The following ABCC12 variants were observed in gnomAD, a reference collection of about 807,000 sequenced individuals.
ABCC12 encodes the protein ATP binding cassette subfamily C member 12.
A neutral mutation model predicts 151.1 loss-of-function variants in ABCC12; 142 were observed. That is an observed-to-expected ratio of 0.94 (90% CI 0.82 to 1.08). The LOEUF (loss-of-function observed/expected upper bound fraction) is 1.08. Ranked by LOEUF, ABCC12 falls within the 50% of genes least tolerant of loss-of-function variation. ABCC12 has a pLI of 0.00. For synonymous variants in ABCC12, 645 were observed against 646.4 expected, an observed-to-expected ratio of 1.00 and a Z score of 0.03; for missense variants, 1,638 against 1,691.1, an observed-to-expected ratio of 0.97 and a Z score of 0.55.
chr16:48,143,296 A>G (rs1199040301), intron 4 of ABCC12, among the ~76,000 whole-genome samples: 1 of 152,200 alleles, frequency 6.6e-6, no homozygotes, highest in Non-Finnish European at 1.5e-5. Flanking sequence ...CCTGAGCCTC[A>G]GGCCATAGCT....
intron 2 of ABCC12, among the ~76,000 whole-genome samples, chr16:48,152,101 G>A (rs1032540242): frequency 6.6e-6 from 1 of 152,128 alleles, no homozygotes; most frequent in Admixed American, 6.6e-5. Context: ...ACCTTCCTTG[G>A]ATCCTTTTCC....
At chr16:48,125,697 A>C (rs771491893) in intron 11 of ABCC12, among the ~76,000 whole-genome samples, 1 of 152,232 alleles carries the variant, frequency 6.6e-6, no homozygotes, top group Non-Finnish European at 1.5e-5. Flanking sequence ...CCCTTAGGGC[A>C]AAGATGCCCA....
chr16:48,141,426 T>A, intron 4 of ABCC12, 73 bp from the exon 5 acceptor site: 2 of 1,579,614 alleles, frequency 1.3e-6, no homozygotes, highest in Non-Finnish European at 1.7e-6. Flanking sequence ...CTGTTGGGCA[T>A]GCTCTTGCAA....
intron 15 of ABCC12, among the ~76,000 whole-genome samples, chr16:48,113,565 G>A (rs1057332742): frequency 1.1e-4 from 16 of 152,316 alleles, no homozygotes; most frequent in African/African-American, 3.8e-4. Context: ...TTGCCTGTGG[G>A]CCTGGGAGTA....
At chr16:48,138,185 T>A (rs1362009349) in intron 8 of ABCC12, 43 bp downstream of exon 8, 1 of 1,558,616 alleles carries the variant, frequency 6.4e-7, no homozygotes, top group Non-Finnish European at 8.7e-7. Flanking sequence ...AAGAGCATAT[T>A]CTACAAGGTA....
At chr16:48,127,300 G>A in intron 11 of ABCC12, among the ~76,000 whole-genome samples, 1 of 152,158 alleles carries the variant, frequency 6.6e-6, no homozygotes, top group East Asian at 1.9e-4. Flanking sequence ...GCCACCCTGG[G>A]AGTCTGCTGC....
In ABCC12 at chr16:48,108,655, C is replaced by T. The variant is rs1043755772; in HGVS notation, c.2282-126G>A. Reference sequence around the variant, plus strand: ...GCTGTGATGCATCCTTCCACTCGTCCCATGCTCTCAAATGCACTTCCAACA... The same window carrying T: ...GCTGTGATGCATCCTTCCACTCGTCTCATGCTCTCAAATGCACTTCCAACA... On this transcript the variant is annotated intron_variant, in intron 18 of 30. Transcript: ENST00000311303. 1.2e-5 allele frequency: 8 copies of T among 683,102 alleles called. No individual in the cohort carries two copies. In the African/African-American group the frequency reaches 1.4e-4, roughly 12 times the overall value. 42.3% of individuals were successfully genotyped at this position (683,102 alleles called of 1,614,324 possible). A position where few individuals can be genotyped will look rare whatever the true frequency, so the allele number is the denominator to read the frequency against.
In ABCC12 at chr16:48,086,138, G is replaced by A. The variant is rs747289581; in HGVS notation, c.3715-432C>T. Reference sequence around the variant, plus strand: ...AGTGGCCTTGGAAGATGCTCATGTCGGTACCAAGTCCTGGAAAAATATCAC... The same window carrying A: ...AGTGGCCTTGGAAGATGCTCATGTCAGTACCAAGTCCTGGAAAAATATCAC... On this transcript the variant is annotated intron_variant, in intron 28 of 30. Transcript: ENST00000311303. 13 of 175,408 alleles carry A rather than the reference G, an allele frequency of 7.4e-5. 1 individual carries two copies. Among genetic ancestry groups the A allele is most frequent in the South Asian group, 2.7e-4 (2 of 7,334 alleles). 10.9% of individuals were successfully genotyped at this position (175,408 alleles called of 1,614,324 possible).
chr16:48,092,100 G>C (rs114493756), intron 24 of ABCC12, among the ~76,000 whole-genome samples: 11 of 152,212 alleles, frequency 7.2e-5, no homozygotes, highest in African/African-American at 2.7e-4. Flanking sequence ...AGATTCTCCC[G>C]AGCCTCCGGA....
chr16:48,088,987 A>T (rs1962757736), intron 25 of ABCC12, among the ~76,000 whole-genome samples: 3 of 152,222 alleles, frequency 2.0e-5, no homozygotes. Context: ...TGTGTTGGGA[A>T]AGGGGGGTAG....
intron 4 of ABCC12, among the ~76,000 whole-genome samples, chr16:48,142,192 G>A (rs974036639): frequency 5.3e-5 from 8 of 152,182 alleles, no homozygotes; most frequent in Non-Finnish European, 1.0e-4. Context: ...CTAAGTCTGG[G>A]GCCCTGGGTC....
chr16:48,143,186 G>T (rs1395848829), intron 4 of ABCC12, among the ~76,000 whole-genome samples: 1 of 152,158 alleles, frequency 6.6e-6, no homozygotes, highest in Non-Finnish European at 1.5e-5. Context: ...CTGCATGCTG[G>T]TCAAGTGGGG....
In ABCC12 at chr16:48,117,315, G is replaced by A. The variant is rs201776252; in HGVS notation, c.1731C>T (p.Arg577=). 1.2e-5 allele frequency: 20 copies of A among 1,613,826 alleles called. No individual in the cohort carries two copies. Among genetic ancestry groups the A allele is most frequent in the African/African-American group, 2.7e-5 (2 of 75,046 alleles). The change falls in exon 14 of 31, where the codon CGC becomes CGT. Residue 577 remains arginine, a synonymous_variant. Transcript: ENST00000311303. ...YDHQRYQHTV[R]VCGLQKDLSN... ...TCAGGTCCTTCTGGAGGCCACAGAC[G>A]CGGACTGTGTGCTGATACCTGTTGG...
rs114008923 is a variant in ABCC12, at chr16:48,110,322, T to C, written c.2281+1114A>G. Among the ~76,000 whole-genome samples, 657 of 152,328 alleles carry C rather than the reference T, an allele frequency of 4.3e-3. 6 individuals are homozygous for C. Among genetic ancestry groups the C allele is most frequent in the African/African-American group, 0.011 (458 of 41,590 alleles). On this transcript the variant is annotated intron_variant, in intron 18 of 30. Transcript: ENST00000311303. Reference sequence around the variant, plus strand: ...TCGTTTAGTTAGCAGAGATTTTTTTTTCTTTCCAAGTGGTAGGTAAAATGG... The same window carrying C: ...TCGTTTAGTTAGCAGAGATTTTTTTCTCTTTCCAAGTGGTAGGTAAAATGG...
At chr16:48,099,482 CTT>C (rs1195650472) in intron 23 of ABCC12, among the ~76,000 whole-genome samples, 1 of 152,188 alleles carries the variant, frequency 6.6e-6, no homozygotes, top group Non-Finnish European at 1.5e-5. Context: ...GCATCTAATT[CTT>C]TCTCTCTGAA....
chr16:48,109,794 CGCAGGCTGGG>C (rs757609979), intron 18 of ABCC12, among the ~76,000 whole-genome samples: 2 of 152,206 alleles, frequency 1.3e-5, no homozygotes, highest in Non-Finnish European at 2.9e-5. Flanking sequence ...CCTCGCAGCC[CGCAGGCTGGG>C]GCAGGAGTGC....
chr16:48,089,427 T>G (rs1467450541), intron 25 of ABCC12, among the ~76,000 whole-genome samples: 1 of 152,200 alleles, frequency 6.6e-6, no homozygotes, highest in Non-Finnish European at 1.5e-5. Context: ...TCAGAGGTCT[T>G]TAGACATACA....
chr16:48,149,417 A>G (rs1045177521), intron 2 of ABCC12, among the ~76,000 whole-genome samples: 14 of 152,306 alleles, frequency 9.2e-5, no homozygotes, highest in Non-Finnish European at 1.6e-4. Context: ...AGATTGTCAG[A>G]CTGAATATAA....
chr16:48,106,879 A>T (rs1251151363), intron 20 of ABCC12, among the ~76,000 whole-genome samples: 1 of 152,170 alleles, frequency 6.6e-6, no homozygotes, highest in Non-Finnish European at 1.5e-5. Context: ...ATGCTTGCCC[A>T]TCCTGTTCAT....
Sources: gnomAD v4.1 joint callset for allele counts (sites outside exome capture counted in the v4.1 genomes callset) on GRCh38, gnomAD v4.1.1 for gene constraint, MANE v1.5 for transcripts, NCBI Gene and HGNC (gene_info 2026-07-23, HGNC 2026-07-21) for gene names.